PTPRG: variants seen among roughly 807,000 people sequenced by gnomAD.
The protein encoded by PTPRG is receptor-type tyrosine-protein phosphatase gamma.
PTPRG carries 102 observed loss-of-function variants against 165.3 expected under a neutral mutation model. That is an observed-to-expected ratio of 0.62 (90% CI 0.53 to 0.73). The LOEUF (loss-of-function observed/expected upper bound fraction) is 0.73, where lower values mean the gene tolerates loss of function less well. Among genes scored for constraint, PTPRG ranks in the 30% least tolerant of loss-of-function variants. The pLI is 0.00. For missense variants in PTPRG, 1,866 were observed against 1,861.4 expected (o/e 1.00, Z -0.05); for synonymous variants, 675 against 669.5 (o/e 1.01, Z -0.13).
At chr3:61,748,444 T>C (rs1171108980) in intron 1 of PTPRG, among the ~76,000 whole-genome samples, 1 of 152,178 alleles carries the variant, frequency 6.6e-6, no homozygotes. Flanking sequence ...TACACACAGG[T>C]TGTAAACTTA....
chr3:62,182,732 T>G (rs1324969633), intron 8 of PTPRG, among the ~76,000 whole-genome samples: 1 of 152,260 alleles, frequency 6.6e-6, no homozygotes, highest in Non-Finnish European at 1.5e-5. Flanking sequence ...CGATCTCAGC[T>G]CACTGCAACC....
intron 2 of PTPRG, among the ~76,000 whole-genome samples, chr3:61,940,079 A>G (rs1268963990): frequency 6.6e-6 from 1 of 151,218 alleles, no homozygotes; most frequent in African/African-American, 2.4e-5. Flanking sequence ...CCTGAGTAGC[A>G]GGGATTACAG....
At chr3:62,086,003 A>G (rs576771561) in intron 5 of PTPRG, among the ~76,000 whole-genome samples, 22 of 152,344 alleles carry the variant, frequency 1.4e-4, no homozygotes, top group Admixed American at 8.5e-4. Flanking sequence ...AAATCTCAAG[A>G]GAATAATGCA....
chr3:61,853,126 A>G (rs1055270755), intron 2 of PTPRG, among the ~76,000 whole-genome samples: 8 of 152,198 alleles, frequency 5.3e-5, no homozygotes, highest in African/African-American at 1.9e-4. Flanking sequence ...GAAACAGACA[A>G]AGAGTAAGAA....
chr3:62,273,646 GT>G lies in PTPRG; in HGVS notation c.3319-51del, dbSNP rs1396911925. The G allele has an allele frequency of 5.7e-6, 9 of 1,573,578 alleles. No homozygotes were observed. Among genetic ancestry groups the G allele is most frequent in the Non-Finnish European group, 7.9e-6 (9 of 1,145,860 alleles). On this transcript the variant is annotated intron_variant, in intron 22 of 29. Coordinates refer to ENST00000474889, the MANE Select transcript of PTPRG (RefSeq NM_002841.4). The surrounding 1 kb of genome is among the most constrained non-coding windows in gnomAD (Gnocchi z 4.1). Reference sequence around the variant, plus strand: ...AAACTAAGGTACACTTCATGAATGAGTGGCTAACCCTTAACACTCCCTCAGT... The same window carrying G: ...AAACTAAGGTACACTTCATGAATGAGGGCTAACCCTTAACACTCCCTCAGT...
chr3:61,569,388 CT>C (rs1490501573), intron 1 of PTPRG, among the ~76,000 whole-genome samples: 1 of 152,170 alleles, frequency 6.6e-6, no homozygotes, highest in Non-Finnish European at 1.5e-5. Flanking sequence ...CTCCTAAAGT[CT>C]TTGTGAGGCT....
Position 62,114,748 on chromosome 3 carries a change from A to G in PTPRG, c.616-17854A>G, listed in dbSNP as rs1388718168. On this transcript the variant is annotated intron_variant, in intron 5 of 29. Transcript: ENST00000474889. The stretch of plus-strand genomic sequence containing the variant: ...CAGCCTCGAACTCTTGAGCTGAGAC[A>G]ATCCTTCCATCTCAACCTCCTGAGC... Among the ~76,000 whole-genome samples, 3 of 152,154 alleles carry G rather than the reference A, an allele frequency of 2.0e-5. No individual in the cohort carries two copies. The East Asian group carries it at 5.8e-4, about 29-fold the overall frequency.
chr3:61,633,772 G>C (rs1299773349), intron 1 of PTPRG, among the ~76,000 whole-genome samples: 1 of 152,044 alleles, frequency 6.6e-6, no homozygotes, highest in Admixed American at 6.6e-5. Flanking sequence ...TCTTTATCTT[G>C]TACCTTATCT....
chr3:61,775,916 G>A (rs551264366), intron 2 of PTPRG, among the ~76,000 whole-genome samples: 2 of 149,100 alleles, frequency 1.3e-5, no homozygotes, highest in African/African-American at 2.5e-5. Flanking sequence ...ATCATACACC[G>A]GGGGCTGTTG....
intron 2 of PTPRG, among the ~76,000 whole-genome samples, chr3:61,987,418 A>T (rs2040787751): frequency 6.6e-6 from 1 of 152,218 alleles, no homozygotes; most frequent in South Asian, 2.1e-4. Context: ...TATGAGAACT[A>T]ATATGAATGG....
intron 1 of PTPRG, among the ~76,000 whole-genome samples, chr3:61,644,567 G>A (rs189436730): frequency 8.4e-4 from 128 of 152,224 alleles, no homozygotes; most frequent in Admixed American, 7.1e-3. Flanking sequence ...TACGCATCTC[G>A]TATTTGTGCA....
At chr3:62,269,007 ATACTT>A (rs1479375728) in intron 19 of PTPRG, 23 bp from the exon 20 acceptor site, 2 of 1,534,370 alleles carry the variant, frequency 1.3e-6, no homozygotes, top group Non-Finnish European at 8.8e-7. Context: ...GATTGCAGTT[ATACTT>A]TACAACTTTT....
At chr3:61,650,060 C>G (rs1000357201) in intron 1 of PTPRG, among the ~76,000 whole-genome samples, 2 of 152,162 alleles carry the variant, frequency 1.3e-5, no homozygotes, top group Admixed American at 1.3e-4. Context: ...GTCCTTAATT[C>G]TTCCACCTTT....
chr3:62,272,902 A>G (rs779169069), intron 21 of PTPRG, 44 bp from the exon 22 acceptor site: 12 of 1,501,724 alleles, frequency 8.0e-6, no homozygotes, highest in East Asian at 7.4e-5. Context: ...AGTTAACAGT[A>G]TGATAAAACA....
chr3:62,120,758 A>T (rs1248752517), intron 5 of PTPRG, among the ~76,000 whole-genome samples: 1 of 151,794 alleles, frequency 6.6e-6, no homozygotes, highest in East Asian at 1.9e-4. Context: ...AAAAAAAAAA[A>T]AAGAAAAAGA....
At chr3:62,267,953 C>G (rs894268658) in intron 19 of PTPRG, 134 bp downstream of exon 19, 42 of 1,039,206 alleles carry the variant, frequency 4.0e-5, no homozygotes, top group Non-Finnish European at 5.8e-5. Flanking sequence ...TCTGCTTTAT[C>G]TTGCTTATGA....
At chr3:62,212,814 A>G (rs1346013707) in intron 12 of PTPRG, among the ~76,000 whole-genome samples, 3 of 152,316 alleles carry the variant, frequency 2.0e-5, no homozygotes, top group East Asian at 3.9e-4. Context: ...GCTGATTTTT[A>G]TCTGAATTCC....
At chr3:61,988,472 C>T (rs570895997) in intron 2 of PTPRG, among the ~76,000 whole-genome samples, 4 of 152,248 alleles carry the variant, frequency 2.6e-5, no homozygotes, top group Admixed American at 2.6e-4. Context: ...ACTAAACTAA[C>T]AAGGCTAGTA....
At chr3:61,611,450 C>CT (rs1491379230) in intron 1 of PTPRG, among the ~76,000 whole-genome samples, 1 of 152,074 alleles carries the variant, frequency 6.6e-6, no homozygotes, top group African/African-American at 2.4e-5. Flanking sequence ...AACTTGAATG[C>CT]TTTTTTGGGG....
Sources: gnomAD v4.1 joint callset for allele counts (sites outside exome capture counted in the v4.1 genomes callset) on GRCh38, gnomAD v4.1.1 for gene constraint, Gnocchi (gnomAD v3.1) non-coding constraint, MANE v1.5 for transcripts, NCBI Gene and HGNC (gene_info 2026-07-23, HGNC 2026-07-21) for gene names.